MTHFSD: variants seen among roughly 807,000 people sequenced by gnomAD.
MTHFSD encodes methenyltetrahydrofolate synthase domain-containing protein.
MTHFSD carries 37 observed loss-of-function variants against 31.1 expected under a neutral mutation model. The ratio of observed to expected loss-of-function variants is 1.19; its 90% CI spans 0.91 to 1.56. The LOEUF is 1.56. MTHFSD is among the 40% of genes most tolerant of loss of function. The pLI is 0.00. For missense variants in MTHFSD, 664 were observed against 510.1 expected (o/e 1.30, Z -2.91); for synonymous variants, 221 against 206.9 (o/e 1.07, Z -0.59).
intron 2 of MTHFSD, chr16:86,553,270 G>A (rs899903805): frequency 6.6e-6 from 1 of 152,448 alleles, no homozygotes; most frequent in African/African-American, 2.4e-5. Flanking sequence ...CTTGAAAGGT[G>A]ACAGCGTGCT....
At chr16:86,545,922 C>T (rs917599538) in intron 5 of MTHFSD, among the ~76,000 whole-genome samples, 16 of 152,256 alleles carry the variant, frequency 1.1e-4, no homozygotes, top group African/African-American at 3.6e-4. Context: ...GTCCCCACAT[C>T]AGCTCCAGTG....
At chr16:86,536,792 T>G (rs1597326647) in intron 7 of MTHFSD, among the ~76,000 whole-genome samples, 5 of 152,146 alleles carry the variant, frequency 3.3e-5, no homozygotes, top group Admixed American at 3.3e-4. Flanking sequence ...GCTGCCTCCC[T>G]CCCCCTGCTC....
chr16:86,548,937 C>G (rs1972730933), intron 3 of MTHFSD, among the ~76,000 whole-genome samples: 1 of 152,194 alleles, frequency 6.6e-6, no homozygotes, highest in African/African-American at 2.4e-5. Context: ...CCCCTCTGCT[C>G]TCAGCACCAA....
At chr16:86,547,403 G>C (rs560130942) in intron 4 of MTHFSD, 1 of 985,726 alleles carries the variant, frequency 1.0e-6, no homozygotes, top group Non-Finnish European at 1.2e-6. Context: ...GTGGCGGTGG[G>C]ATCTGCCTGC....
intron 2 of MTHFSD, among the ~76,000 whole-genome samples, chr16:86,552,623 T>C (rs911800769): frequency 2.6e-5 from 4 of 152,226 alleles, no homozygotes; most frequent in African/African-American, 9.6e-5. Flanking sequence ...TCCTGTTTGA[T>C]TCGTTTTTTA....
At chr16:86,535,110 C>T (rs1390714869) in intron 7 of MTHFSD, 2 of 467,944 alleles carry the variant, frequency 4.3e-6, no homozygotes, top group Non-Finnish European at 5.6e-6. Flanking sequence ...TATTCTGAGC[C>T]AGCAAATATA....
intron 5 of MTHFSD, among the ~76,000 whole-genome samples, chr16:86,544,753 A>C (rs1972031003): frequency 6.6e-6 from 1 of 152,252 alleles, no homozygotes; most frequent in Non-Finnish European, 1.5e-5. Context: ...AGACACGTGC[A>C]CATGTAGGTT....
intron 7 of MTHFSD, chr16:86,540,864 G>A: frequency 9.2e-7 from 1 of 1,086,940 alleles, no homozygotes; most frequent in South Asian, 2.6e-5. Flanking sequence ...TGCACACCTG[G>A]GAGTCCCCAG....
intron 7 of MTHFSD, chr16:86,540,712 A>G (rs1971377914): frequency 1.0e-6 from 1 of 988,694 alleles, no homozygotes; most frequent in African/African-American, 1.7e-5. Context: ...CTCTTAAGAA[A>G]GACATCAAGG....
intron 7 of MTHFSD, among the ~76,000 whole-genome samples, chr16:86,534,487 A>G (rs147636289): frequency 6.6e-6 from 1 of 152,318 alleles, no homozygotes; most frequent in African/African-American, 2.4e-5. Context: ...TACTGGACAC[A>G]GATGGGAGGG....
In MTHFSD at chr16:86,532,309, GGTCCGGGTGT is replaced by G; in HGVS notation, c.844_853del (p.Thr282GlnfsTer35). 1 of 1,587,172 alleles carries G rather than the reference GGTCCGGGTGT, an allele frequency of 6.3e-7. No individual in the cohort carries two copies. The highest frequency in any genetic ancestry group is 8.6e-7 in the Non-Finnish European group (1 of 1,168,974). On this transcript the variant is annotated frameshift_variant, in exon 8 of 8. Coordinates refer to ENST00000360900, the MANE Select transcript of MTHFSD (RefSeq NM_001159377.2). LOFTEE classifies it low-confidence loss of function (END_TRUNC). ...GGCTGCCTCCATGGAATTGGTTTCT[GGTCCGGGTGT>G]GTCCGGGGGCCTCCTGCCAACACTC...
intron 3 of MTHFSD, 142 bp downstream of exon 3, chr16:86,551,891 A>T: frequency 6.8e-7 from 1 of 1,468,894 alleles, no homozygotes; most frequent in Non-Finnish European, 9.0e-7. Context: ...AAAAATCACC[A>T]CCAAGGGCAC....
chr16:86,554,891 C>G (rs1973851230), intron 1 of MTHFSD, 140 bp from the exon 2 acceptor site: 6 of 1,041,942 alleles, frequency 5.8e-6, no homozygotes, highest in Middle Eastern at 2.1e-4. Context: ...GTTTCCCCGA[C>G]CTCAAGGGGC....
At chr16:86,544,794 A>G (rs1049580999) in intron 5 of MTHFSD, among the ~76,000 whole-genome samples, 1 of 152,228 alleles carries the variant, frequency 6.6e-6, no homozygotes, top group Non-Finnish European at 1.5e-5. Flanking sequence ...TAACAATGAC[A>G]TGGAATCAAC....
At position 86,541,651 on chromosome 16, in the gene MTHFSD, G is replaced by T. The variant is rs1314415803; in HGVS notation, c.681+46C>A. ...CAGACAGAAAACACTTAAAAGAGGA[G>T]GAGCCGCTAAGCTACAGGCCAGAGC... On this transcript the variant is annotated intron_variant, in intron 7 of 7. Coordinates refer to ENST00000360900, the MANE Select transcript of MTHFSD (RefSeq NM_001159377.2). The T allele has an allele frequency of 1.9e-6, 3 of 1,590,662 alleles. No individual in the cohort carries two copies. The South Asian group carries it at 3.4e-5, about 18-fold the overall frequency.
chr16:86,546,457 A>C, intron 5 of MTHFSD, 102 bp downstream of exon 5: 1 of 1,013,624 alleles, frequency 9.9e-7, no homozygotes, highest in Admixed American at 1.7e-5. Flanking sequence ...GCGCATCCAG[A>C]AAGCAGACAC....
chr16:86,550,991 A>C (rs900690000), intron 3 of MTHFSD, among the ~76,000 whole-genome samples: 1 of 152,270 alleles, frequency 6.6e-6, no homozygotes, highest in African/African-American at 2.4e-5. Context: ...GCGTTAAGGC[A>C]GAATGACAAC....
At chr16:86,533,507 A>G (rs1970253791) in intron 7 of MTHFSD, 1 of 152,252 alleles carries the variant, frequency 6.6e-6, no homozygotes, top group Non-Finnish European at 1.5e-5. Flanking sequence ...CCTCCAACAG[A>G]AGTGAATATG....
rs147710098 is a variant in MTHFSD at position 86,550,379 on chromosome 16, G to A, written c.237+1654C>T. The stretch of plus-strand genomic sequence containing the variant: ...AAGCAACAGGGATTTGCTCAGGGCT[G>A]CACCCCTCTTCCAGGCCATCTTGGC... On this transcript the variant is annotated intron_variant, in intron 3 of 7. Transcript: ENST00000360900. 7.9e-4 allele frequency among the ~76,000 whole-genome samples: 121 copies of A among 152,364 alleles called. 1 individual carries two copies. Among genetic ancestry groups the A allele is most frequent in the African/African-American group, 2.7e-3 (112 of 41,600 alleles).
Sources: allele counts gnomAD v4.1 joint callset (sites outside exome capture counted in the v4.1 genomes callset), GRCh38; gene constraint gnomAD v4.1.1; transcripts MANE v1.5; gene names NCBI Gene and HGNC (gene_info 2026-07-23, HGNC 2026-07-21).